The following TBC1D22A variants were observed in gnomAD, a reference collection of about 807,000 sequenced individuals.
The protein encoded by TBC1D22A is TBC1 domain family member 22A.
TBC1D22A carries 38 observed loss-of-function variants against 60.2 expected under a neutral mutation model. The ratio of observed to expected loss-of-function variants is 0.63; its 90% CI spans 0.49 to 0.83. The LOEUF is 0.83. Ranked by LOEUF, TBC1D22A falls within the 40% of genes least tolerant of loss-of-function variation. TBC1D22A has a pLI of 0.00. For missense variants in TBC1D22A, 628 were observed against 701.0 expected, an observed-to-expected ratio of 0.90 and a Z score of 1.18; for synonymous variants, 302 against 281.7, an observed-to-expected ratio of 1.07 and a Z score of -0.72.
intron 9 of TBC1D22A, among the ~76,000 whole-genome samples, chr22:46,996,427 AGTGCCCGTT>A (rs1224394547): frequency 6.6e-6 from 1 of 152,246 alleles, no homozygotes; most frequent in African/African-American, 2.4e-5. Context: ...CCCCAGGCAC[AGTGCCCGTT>A]GTTTCGCTGC....
At chr22:46,783,915 C>T (rs1371277607) in intron 1 of TBC1D22A, among the ~76,000 whole-genome samples, 2 of 152,132 alleles carry the variant, frequency 1.3e-5, no homozygotes, top group Non-Finnish European at 2.9e-5. Context: ...TTTTCTAGGT[C>T]GTCTATCAAG....
Position 46,983,695 on chromosome 22 carries a change from G to GT in TBC1D22A, c.1125+9310dup, listed in dbSNP as rs556363610. The stretch of plus-strand genomic sequence containing the variant: ...GCTGGTGCCAGAATGAGAAGACCAG[G>GT]TTTTTTTTTTTTTTATATTTTATTT... On this transcript the variant is annotated intron_variant, in intron 9 of 12. Coordinates refer to ENST00000337137, the MANE Select transcript of TBC1D22A (RefSeq NM_014346.5). Among the ~76,000 whole-genome samples the GT allele has an allele frequency of 5.5e-3, 782 of 142,740 alleles. 9 individuals carry two copies. The highest frequency in any genetic ancestry group is 0.015 in the African/African-American group (577 of 39,218). The allele number at this position is 142,740 out of a possible 152,430, so 93.6% of individuals were successfully genotyped here.
In TBC1D22A at chr22:47,026,945, A is replaced by T. The variant is rs6008026; in HGVS notation, c.1202-10126A>T. On this transcript the variant is annotated intron_variant, in intron 10 of 12. Transcript: ENST00000337137. ...AATGGCTAAAACAACACAGAAAAAG[A>T]TGAACAAAGTTGAAGGACTTTGTTC... 9.7e-3 allele frequency among the ~76,000 whole-genome samples: 1,479 copies of T among 152,354 alleles called. 15 individuals carry two copies. The highest frequency in any genetic ancestry group is 0.034 in the African/African-American group (1,412 of 41,574).
At chr22:46,880,074 T>G (rs2067776541) in intron 5 of TBC1D22A, among the ~76,000 whole-genome samples, 1 of 152,210 alleles carries the variant, frequency 6.6e-6, no homozygotes, top group Non-Finnish European at 1.5e-5. Flanking sequence ...GATCTGAGAC[T>G]GGTCTCAGTT....
intron 12 of TBC1D22A, among the ~76,000 whole-genome samples, chr22:47,126,453 T>G (rs2066461313): frequency 6.6e-6 from 1 of 152,166 alleles, no homozygotes; most frequent in Non-Finnish European, 1.5e-5. Context: ...CAGCAGTACG[T>G]AGGCCCCGCC....
At chr22:46,851,107 T>C (rs73468775) in intron 4 of TBC1D22A, among the ~76,000 whole-genome samples, 2,550 of 152,288 alleles carry the variant, frequency 0.017, 68 homozygotes, top group African/African-American at 0.058. Flanking sequence ...TGGAAACCAC[T>C]GAGTCCCACA....
intron 4 of TBC1D22A, among the ~76,000 whole-genome samples, chr22:46,813,887 A>G (rs1203395911): frequency 6.6e-6 from 1 of 152,234 alleles, no homozygotes; most frequent in Non-Finnish European, 1.5e-5. Flanking sequence ...ATCAGATCTA[A>G]AAATGCAGAC....
chr22:46,762,940 T>C, intron 1 of TBC1D22A, 92 bp downstream of exon 1: 1 of 1,224,988 alleles, frequency 8.2e-7, no homozygotes, highest in Non-Finnish European at 1.1e-6. Flanking sequence ...GTCGGGGGTC[T>C]GGAGAGGGCA....
chr22:46,829,443 C>T (rs2086212851), intron 4 of TBC1D22A, among the ~76,000 whole-genome samples: 1 of 152,188 alleles, frequency 6.6e-6, no homozygotes, highest in Non-Finnish European at 1.5e-5. Context: ...TCCTGTGCTC[C>T]CTGATGCTCC....
chr22:47,071,793 G>T (rs558670128), intron 11 of TBC1D22A, among the ~76,000 whole-genome samples: 1 of 152,156 alleles, frequency 6.6e-6, no homozygotes, highest in Non-Finnish European at 1.5e-5. Context: ...GAATTTCTGA[G>T]TCCTGAGAGT....
intron 12 of TBC1D22A, among the ~76,000 whole-genome samples, chr22:47,127,675 C>T (rs911828746): frequency 2.0e-5 from 3 of 152,154 alleles, no homozygotes; most frequent in Non-Finnish European, 4.4e-5. Flanking sequence ...AGAGAACATC[C>T]GCCTCGTCAT....
At chr22:47,022,815 C>T (rs1470842397) in intron 10 of TBC1D22A, among the ~76,000 whole-genome samples, 1 of 152,164 alleles carries the variant, frequency 6.6e-6, no homozygotes, top group Non-Finnish European at 1.5e-5. Context: ...AGTATAGAAA[C>T]CTGAACGAAA....
intron 4 of TBC1D22A, among the ~76,000 whole-genome samples, chr22:46,842,164 A>G (rs2086800319): frequency 6.6e-6 from 1 of 152,192 alleles, no homozygotes. Context: ...GGCACCATCA[A>G]TTTTGCATTC....
At chr22:46,775,540 G>A (rs1277890164) in intron 1 of TBC1D22A, among the ~76,000 whole-genome samples, 2 of 152,198 alleles carry the variant, frequency 1.3e-5, no homozygotes, top group Non-Finnish European at 1.5e-5. Flanking sequence ...TTTATTGATG[G>A]TGCAGTAGGT....
chr22:46,892,628 C>T (rs1047313355), intron 6 of TBC1D22A, among the ~76,000 whole-genome samples: 1 of 152,234 alleles, frequency 6.6e-6, no homozygotes, highest in Non-Finnish European at 1.5e-5. Context: ...CCTCTTTTGC[C>T]ACTCCACTGG....
intron 11 of TBC1D22A, among the ~76,000 whole-genome samples, chr22:47,092,569 G>T (rs1159790122): frequency 6.6e-6 from 1 of 152,204 alleles, no homozygotes; most frequent in Non-Finnish European, 1.5e-5. Flanking sequence ...GAGCCCGTGT[G>T]TATGTCTGTG....
intron 11 of TBC1D22A, among the ~76,000 whole-genome samples, chr22:47,073,525 A>T (rs2147521047): frequency 6.6e-6 from 1 of 152,314 alleles, no homozygotes; most frequent in South Asian, 2.1e-4. Context: ...CCTCATAAAT[A>T]TATACAATGA....
intron 11 of TBC1D22A, among the ~76,000 whole-genome samples, chr22:47,103,953 G>GT (rs950152252): frequency 2.1e-4 from 32 of 151,820 alleles, no homozygotes; most frequent in South Asian, 6.3e-4. Flanking sequence ...CCCAAAACGT[G>GT]TTTTTTTTGC....
chr22:46,793,938 C>A, intron 3 of TBC1D22A, 97 bp downstream of exon 3: 1 of 1,218,312 alleles, frequency 8.2e-7, no homozygotes, highest in Non-Finnish European at 1.1e-6. Flanking sequence ...GGGTTCCCAT[C>A]CTCATTTGCA....
Sources: allele counts gnomAD v4.1 joint callset (sites outside exome capture counted in the v4.1 genomes callset), GRCh38; gene constraint gnomAD v4.1.1; transcripts MANE v1.5; gene names NCBI Gene and HGNC (gene_info 2026-07-23, HGNC 2026-07-21).